TMEM117: variants seen among roughly 807,000 people sequenced by gnomAD.
TMEM117 encodes transmembrane protein 117.
In TMEM117, 27 loss-of-function variants were observed where a neutral mutation model predicts 52.4. The ratio of observed to expected loss-of-function variants is 0.51; its 90% confidence interval spans 0.38 to 0.71. The LOEUF (loss-of-function observed/expected upper bound fraction) is 0.71. TMEM117 is among the 30% of genes least tolerant of loss of function. TMEM117 has a pLI of 0.00. For synonymous variants in TMEM117, 215 were observed against 206.3 expected, an observed-to-expected ratio of 1.04 and a Z score of -0.36; for missense variants, 556 against 630.5, an observed-to-expected ratio of 0.88 and a Z score of 1.26.
intron 3 of TMEM117, among the ~76,000 whole-genome samples, chr12:43,946,062 A>G (rs1049377645): frequency 6.6e-6 from 1 of 152,244 alleles, no homozygotes; most frequent in African/African-American, 2.4e-5. Flanking sequence ...AAGTTATTAA[A>G]ATACTTTGTA....
chr12:44,243,923 C>G (rs79095994), intron 5 of TMEM117, among the ~76,000 whole-genome samples: 1,672 of 152,030 alleles, frequency 0.011, 24 homozygotes, highest in Non-Finnish European at 0.015. Flanking sequence ...GCATAATGTT[C>G]TCCAGATTCA....
chr12:44,083,989 C>A (rs1270556785), intron 3 of TMEM117, among the ~76,000 whole-genome samples: 2 of 152,066 alleles, frequency 1.3e-5, no homozygotes, highest in Non-Finnish European at 2.9e-5. Flanking sequence ...ATTTTGAGCA[C>A]AACTGTTTCA....
chr12:43,835,003 C>G (rs1943006662), upstream of TMEM117, among the ~76,000 whole-genome samples: 1 of 152,164 alleles, frequency 6.6e-6, no homozygotes, highest in South Asian at 2.1e-4. Flanking sequence ...CAGGGGAGGG[C>G]CTAGCTCTGC....
chr12:44,026,345 A>G (rs961321588), intron 3 of TMEM117, among the ~76,000 whole-genome samples: 2 of 152,058 alleles, frequency 1.3e-5, no homozygotes, highest in Non-Finnish European at 2.9e-5. Flanking sequence ...TTAGACTGTG[A>G]TTAAAAACCT....
chr12:44,332,032 T>C (rs1438790100), intron 6 of TMEM117, among the ~76,000 whole-genome samples: 1 of 151,574 alleles, frequency 6.6e-6, no homozygotes, highest in Non-Finnish European at 1.5e-5. Flanking sequence ...ATCACACTTA[T>C]TTATCAATTT....
chr12:43,892,042 T>A (rs1280380141), intron 2 of TMEM117, among the ~76,000 whole-genome samples: 1 of 152,206 alleles, frequency 6.6e-6, no homozygotes, highest in Non-Finnish European at 1.5e-5. Flanking sequence ...TATAAGCTGC[T>A]GTCAAAATAC....
At chr12:43,817,141 T>A in the TMEM117 span, among the ~76,000 whole-genome samples, 2 of 152,224 alleles carry the variant, frequency 1.3e-5, no homozygotes, top group African/African-American at 2.4e-5. Context: ...TGAGTAAAAA[T>A]TCATAGAGTT....
At chr12:44,230,327 T>C (rs1056982764) in intron 5 of TMEM117, among the ~76,000 whole-genome samples, 7 of 152,044 alleles carry the variant, frequency 4.6e-5, no homozygotes, top group African/African-American at 1.7e-4. Context: ...TCTATTTTCC[T>C]CTCAATTCTG....
chr12:44,151,329 CTT>C (rs530283255), intron 4 of TMEM117, among the ~76,000 whole-genome samples: 1 of 140,694 alleles, frequency 7.1e-6, no homozygotes. Context: ...AGTTCCGCAC[CTT>C]TTTTTTTTGA....
chr12:43,888,038 G>A (rs1944029356), intron 2 of TMEM117, among the ~76,000 whole-genome samples: 1 of 152,170 alleles, frequency 6.6e-6, no homozygotes, highest in South Asian at 2.1e-4. Context: ...TAGAAGAGAA[G>A]TAAAGCAAAA....
chr12:44,110,182 A>G (rs1465777937), intron 3 of TMEM117, among the ~76,000 whole-genome samples: 1 of 127,066 alleles, frequency 7.9e-6, no homozygotes, highest in Non-Finnish European at 1.6e-5. Flanking sequence ...CTCTTTTCCT[A>G]ATTGAATACC....
At chr12:44,183,011 T>A (rs1949226579) in intron 4 of TMEM117, among the ~76,000 whole-genome samples, 1 of 152,180 alleles carries the variant, frequency 6.6e-6, no homozygotes, top group South Asian at 2.1e-4. Flanking sequence ...TTATAATCAT[T>A]TATAAGCAGC....
intron 2 of TMEM117, among the ~76,000 whole-genome samples, chr12:43,929,353 A>G (rs1944835290): frequency 6.6e-6 from 1 of 152,100 alleles, no homozygotes; most frequent in Non-Finnish European, 1.5e-5. Context: ...ACTTTTATTC[A>G]TTTAGTGATT....
chr12:44,199,305 T>C (rs183921542), intron 4 of TMEM117, among the ~76,000 whole-genome samples: 62 of 152,306 alleles, frequency 4.1e-4, no homozygotes, highest in African/African-American at 1.3e-3. Context: ...TATCTTTCCA[T>C]CCTGTCACTG....
chr12:43,934,204 A>G (rs1944915653), intron 2 of TMEM117, among the ~76,000 whole-genome samples: 1 of 152,194 alleles, frequency 6.6e-6, no homozygotes, highest in South Asian at 2.1e-4. Context: ...GGTAATATGT[A>G]GTATTAATAT....
chr12:43,917,857 A>G (rs1259549534), intron 2 of TMEM117, among the ~76,000 whole-genome samples: 1 of 152,140 alleles, frequency 6.6e-6, no homozygotes, highest in Non-Finnish European at 1.5e-5. Flanking sequence ...ACCCTCTTGC[A>G]CAGACTTGGG....
chr12:43,901,121 A>G (rs953220810), intron 2 of TMEM117, among the ~76,000 whole-genome samples: 1 of 152,216 alleles, frequency 6.6e-6, no homozygotes, highest in Non-Finnish European at 1.5e-5. Flanking sequence ...AAAGACTCCT[A>G]GAAAGAGAAT....
chr12:44,283,388 C>T (rs546750571), intron 5 of TMEM117, among the ~76,000 whole-genome samples: 1 of 152,284 alleles, frequency 6.6e-6, no homozygotes, highest in East Asian at 1.9e-4. Context: ...TGCAAAGTCA[C>T]AGGGGCGGAG....
chr12:44,176,381 G>A (rs1949116792), intron 4 of TMEM117, among the ~76,000 whole-genome samples: 1 of 152,176 alleles, frequency 6.6e-6, no homozygotes, highest in South Asian at 2.1e-4. Flanking sequence ...TTAATATGAA[G>A]TATAGAAGTG....
Sources: allele counts gnomAD v4.1 joint callset (sites outside exome capture counted in the v4.1 genomes callset), GRCh38; gene constraint gnomAD v4.1.1; transcripts MANE v1.5; gene names NCBI Gene and HGNC (gene_info 2026-07-23, HGNC 2026-07-21).